The following ARHGEF12 variants were observed in gnomAD, a reference collection of about 807,000 sequenced individuals.
The protein encoded by ARHGEF12 is Rho guanine nucleotide exchange factor 12.
Under a neutral mutation model 211.2 loss-of-function variants are expected in ARHGEF12, and 66 were observed. The ratio of observed to expected loss-of-function variants is 0.31; its 90% confidence interval spans 0.26 to 0.38. The LOEUF (loss-of-function observed/expected upper bound fraction) is 0.38, where lower values mean the gene tolerates loss of function less well. Ranked by LOEUF, ARHGEF12 falls within the 10% of genes least tolerant of loss-of-function variation. ARHGEF12 has a pLI of 1.00. For missense variants in ARHGEF12, 1,429 were observed against 1,869.5 expected, an observed-to-expected ratio of 0.76 and a Z score of 4.34; for synonymous variants, 592 against 638.4, an observed-to-expected ratio of 0.93 and a Z score of 1.09.
At chr11:120,430,045 C>A (rs559625904) in intron 10 of ARHGEF12, among the ~76,000 whole-genome samples, 1 of 152,046 alleles carries the variant, frequency 6.6e-6, no homozygotes, top group African/African-American at 2.4e-5. Flanking sequence ...TTTCTTTGTT[C>A]CATAATAATT....
intron 1 of ARHGEF12, among the ~76,000 whole-genome samples, chr11:120,374,232 A>G (rs1943665861): frequency 6.6e-6 from 1 of 152,164 alleles, no homozygotes; most frequent in Admixed American, 6.5e-5. Context: ...TGTTTAGTGT[A>G]GGAGAGATGT....
chr11:120,469,230 A>G lies in ARHGEF12; in HGVS notation c.2855-58A>G, dbSNP rs966549411. The G allele has an allele frequency of 5.4e-6, 7 of 1,288,764 alleles. No homozygotes were observed. In the African/African-American group the frequency reaches 6.0e-5, roughly 11 times the overall value. 79.8% of individuals were successfully genotyped at this position (1,288,764 alleles called of 1,614,324 possible). Reference sequence around the variant, plus strand: ...AAATGAAATGAAATCTCATTTACATATATTTTATGGTTTTTTGCTCAGTTC... The same window carrying G: ...AAATGAAATGAAATCTCATTTACATGTATTTTATGGTTTTTTGCTCAGTTC... On this transcript the variant is annotated intron_variant, in intron 29 of 40. Transcript: ENST00000397843.
At position 120,336,630 on chromosome 11, in the gene ARHGEF12, G is replaced by T. The variant is rs943850263; in HGVS notation, c.-614G>T. Among the ~76,000 whole-genome samples, 1 of 152,024 alleles carries T rather than the reference G, an allele frequency of 6.6e-6. No homozygotes were observed. Among genetic ancestry groups the T allele is most frequent in the East Asian group, 1.9e-4 (1 of 5,142 alleles). ...CGGGTCCCTGTCACCTCGGGCCGCG[G>T]GACCTCTCCGCCGGCGCCAGCGGCT... On this transcript the variant is annotated 5_prime_UTR_variant, in exon 1 of 41. Transcript: ENST00000397843.
intron 1 of ARHGEF12, among the ~76,000 whole-genome samples, chr11:120,371,388 T>C (rs1455672915): frequency 6.6e-6 from 1 of 152,204 alleles, no homozygotes; most frequent in African/African-American, 2.4e-5. Context: ...CTCGGGAGGC[T>C]GAGGCAGGAG....
chr11:120,459,548 G>A (rs903883479), intron 26 of ARHGEF12, among the ~76,000 whole-genome samples: 12 of 151,988 alleles, frequency 7.9e-5, no homozygotes, highest in East Asian at 5.8e-4. Context: ...ATTGCCTAAG[G>A]TGAAAAACAT....
intron 1 of ARHGEF12, among the ~76,000 whole-genome samples, chr11:120,340,229 C>T (rs562214991): frequency 6.6e-6 from 1 of 152,290 alleles, no homozygotes; most frequent in South Asian, 2.1e-4. Flanking sequence ...GGTCCTATAG[C>T]AATTGGAATT....
intron 1 of ARHGEF12, among the ~76,000 whole-genome samples, chr11:120,399,817 A>G (rs1944506926): frequency 6.6e-6 from 1 of 152,168 alleles, no homozygotes; most frequent in Non-Finnish European, 1.5e-5. Context: ...CTGCAAATGT[A>G]CTGTGATTTA....
intron 17 of ARHGEF12, among the ~76,000 whole-genome samples, 174 bp from the exon 18 acceptor site, chr11:120,446,774 T>G (rs1303074709): frequency 1.3e-5 from 2 of 152,022 alleles, no homozygotes; most frequent in Non-Finnish European, 2.9e-5. Context: ...GTTCTTGGAG[T>G]CATTGCTTCT....
chr11:120,385,435 G>A, intron 1 of ARHGEF12: 6 of 985,352 alleles, frequency 6.1e-6, no homozygotes, highest in Non-Finnish European at 7.2e-6. Flanking sequence ...CTACTCCATG[G>A]AAACGAGCCT....
chr11:120,388,860 TTTTTA>T (rs1944120930), intron 1 of ARHGEF12, among the ~76,000 whole-genome samples: 1 of 152,084 alleles, frequency 6.6e-6, no homozygotes, highest in African/African-American at 2.4e-5. Context: ...TTTTATTTTT[TTTTTA>T]TTTTATTTTA....
At chr11:120,342,123 G>GT (rs374176667) in intron 1 of ARHGEF12, among the ~76,000 whole-genome samples, 360 of 151,460 alleles carry the variant, frequency 2.4e-3, no homozygotes, top group African/African-American at 8.0e-3. Context: ...GTCCCCCATT[G>GT]TTTTTTTTCA....
Position 120,474,598 on chromosome 11 carries a change from G to T in ARHGEF12, c.3072G>T (p.Gly1024=), listed in dbSNP as rs765117216. ...DLTKRKMIHE[G]PLVWKVNRDK... ...CAAAAAGGAAGATGATTCATGAAGGGCCATTGGTTTGGAAGGTGAATAGAG... is the reference window on the plus strand; with the variant it reads ...CAAAAAGGAAGATGATTCATGAAGGTCCATTGGTTTGGAAGGTGAATAGAG... The change falls in exon 32 of 41, where the codon GGG becomes GGT. Residue 1024 remains glycine, a synonymous_variant. Coordinates refer to ENST00000397843, the MANE Select transcript of ARHGEF12 (RefSeq NM_015313.3). 2 of 1,612,272 alleles carry T rather than the reference G, an allele frequency of 1.2e-6. No individual in the cohort carries two copies. Among genetic ancestry groups the T allele is most frequent in the African/African-American group, 1.3e-5 (1 of 74,938 alleles).
In ARHGEF12 at chr11:120,484,433, C is replaced by T; in HGVS notation, c.4555-5C>T. On this transcript the variant is annotated splice_region_variant and splice_polypyrimidine_tract_variant and intron_variant, in intron 39 of 40. Coordinates refer to ENST00000397843, the MANE Select transcript of ARHGEF12 (RefSeq NM_015313.3). ...AATAAAAAACCTATGGGTTTTATTT[C>T]ACAGAAGGTGGAGGAAAGTTACACC... 1 of 1,613,092 alleles carries T rather than the reference C, an allele frequency of 6.2e-7. No homozygotes were observed. The highest frequency in any genetic ancestry group is 1.3e-5 in the African/African-American group (1 of 74,972).
intron 1 of ARHGEF12, among the ~76,000 whole-genome samples, chr11:120,345,729 G>A (rs1013032662): frequency 8.7e-5 from 13 of 148,612 alleles, no homozygotes; most frequent in Admixed American, 2.7e-4. Flanking sequence ...AAACGAAATG[G>A]CGTATGTCAT....
At chr11:120,402,473 C>A (rs1183442528) in intron 1 of ARHGEF12, among the ~76,000 whole-genome samples, 1 of 152,124 alleles carries the variant, frequency 6.6e-6, no homozygotes, top group African/African-American at 2.4e-5. Flanking sequence ...AGTGTATCTA[C>A]TAATGGAATT....
At chr11:120,474,327 ACT>A (rs1239749318) in intron 31 of ARHGEF12, among the ~76,000 whole-genome samples, 1 of 152,198 alleles carries the variant, frequency 6.6e-6, no homozygotes, top group Non-Finnish European at 1.5e-5. Flanking sequence ...TGAAGATAGT[ACT>A]CCTGAATGTT....
chr11:120,449,224 A>C lies in ARHGEF12; in HGVS notation c.1843+10A>C, dbSNP rs753119442. 2 of 1,610,414 alleles carry C rather than the reference A, an allele frequency of 1.2e-6. No individual in the cohort carries two copies. On this transcript the variant is annotated intron_variant, in intron 21 of 40. Transcript: ENST00000397843. ...CATGACAACAGTGCAAGTATGTTGA[A>C]GTTTGAAGTGCTGCATTTTCAGTAC...
intron 8 of ARHGEF12, among the ~76,000 whole-genome samples, chr11:120,429,011 T>C (rs1164862284): frequency 6.6e-6 from 1 of 152,126 alleles, no homozygotes; most frequent in Admixed American, 6.5e-5. Context: ...GAAGACTAAT[T>C]TGGTAAAATA....
At chr11:120,346,572 C>T (rs1378217111) in intron 1 of ARHGEF12, among the ~76,000 whole-genome samples, 1 of 152,204 alleles carries the variant, frequency 6.6e-6, no homozygotes, top group African/African-American at 2.4e-5. Flanking sequence ...TGCATGATAA[C>T]AGATAAGGCT....
Sources: allele counts gnomAD v4.1 joint callset (sites outside exome capture counted in the v4.1 genomes callset), GRCh38; gene constraint gnomAD v4.1.1; transcripts MANE v1.5; gene names NCBI Gene and HGNC (gene_info 2026-07-23, HGNC 2026-07-21).